Variants in RAD52 observed in about 807,000 individuals in gnomAD.
The protein encoded by RAD52 is RAD52 DNA repair protein.
A neutral mutation model predicts 55.5 loss-of-function variants in RAD52; 47 were observed. The ratio of observed to expected loss-of-function variants is 0.85; its 90% CI spans 0.67 to 1.08. The LOEUF (loss-of-function observed/expected upper bound fraction) is 1.08. Among genes scored for constraint, RAD52 ranks in the 50% least tolerant of loss-of-function variants. The pLI, the probability that RAD52 is intolerant of heterozygous loss-of-function variation, is 0.00. For synonymous variants in RAD52, 184 were observed against 198.9 expected (o/e 0.92, Z 0.63); for missense variants, 468 against 522.8 (o/e 0.90, Z 1.02).
chr12:955,787 G>GT (rs984130985), intron 1 of RAD52, among the ~76,000 whole-genome samples: 78 of 145,994 alleles, frequency 5.3e-4, no homozygotes, highest in South Asian at 3.3e-3. Context: ...TGTTTTTTTT[G>GT]TTTTTTTTTG....
intron 1 of RAD52, among the ~76,000 whole-genome samples, chr12:936,020 G>C (rs2154116029): frequency 6.6e-6 from 1 of 150,844 alleles, no homozygotes; most frequent in South Asian, 2.2e-4. Context: ...AGAGCAACTT[G>C]TGGCCGGGCA....
At chr12:943,817 C>CTG (rs1555177518) in intron 1 of RAD52, among the ~76,000 whole-genome samples, 155 of 151,356 alleles carry the variant, frequency 1.0e-3, no homozygotes, top group African/African-American at 3.7e-3. Context: ...TTAAGTGACT[C>CTG]TGGCATCCTG....
intron 1 of RAD52, among the ~76,000 whole-genome samples, chr12:942,325 A>G (rs1957962199): frequency 6.6e-6 from 1 of 152,238 alleles, no homozygotes; most frequent in Non-Finnish European, 1.5e-5. Flanking sequence ...ACGCAATACA[A>G]TAGCATTTTC....
At chr12:915,032 C>T (rs1324115475) in intron 9 of RAD52, among the ~76,000 whole-genome samples, 1 of 152,210 alleles carries the variant, frequency 6.6e-6, no homozygotes, top group African/African-American at 2.4e-5. Context: ...ACTCAGGAGG[C>T]TGAGGAAGGA....
chr12:928,669 T>C (rs1052386942), intron 5 of RAD52, among the ~76,000 whole-genome samples: 3 of 152,136 alleles, frequency 2.0e-5, no homozygotes, highest in Non-Finnish European at 4.4e-5. Flanking sequence ...CAAGATTTCA[T>C]ATCTTTAATT....
intron 1 of RAD52, among the ~76,000 whole-genome samples, chr12:962,373 C>G (rs1338086125): frequency 6.7e-6 from 1 of 149,656 alleles, no homozygotes; most frequent in Non-Finnish European, 1.5e-5. Context: ...CGGAGTCTTG[C>G]TCTGTCGCCC....
chr12:937,185 C>T (rs1049560900), intron 1 of RAD52, among the ~76,000 whole-genome samples: 1 of 152,176 alleles, frequency 6.6e-6, no homozygotes, highest in Non-Finnish European at 1.5e-5. Flanking sequence ...TGGGAGACAG[C>T]TTTAGGAGAA....
intron 7 of RAD52, among the ~76,000 whole-genome samples, chr12:917,104 C>T (rs1956434741): frequency 6.6e-6 from 1 of 152,194 alleles, no homozygotes; most frequent in East Asian, 1.9e-4. Context: ...TCTTTGCTGC[C>T]TCCTTGTCCT....
At chr12:968,861 T>C (rs1024573860) in intron 1 of RAD52, among the ~76,000 whole-genome samples, 2 of 152,080 alleles carry the variant, frequency 1.3e-5, no homozygotes, top group African/African-American at 4.8e-5. Context: ...TCACACATAG[T>C]AGAAATTCAA....
Position 912,524 on chromosome 12 carries a change from T to C in RAD52, c.*867A>G, listed in dbSNP as rs1194934621. ...AAGCATTTCAGATAAGCAATATATA[T>C]ATATTCTATTTTGTTAATAAGGTAT... On this transcript the variant is annotated 3_prime_UTR_variant, in exon 12 of 12. Transcript: ENST00000358495. The C allele has an allele frequency of 1.3e-5, 2 of 148,812 alleles. No individual in the cohort carries two copies. The highest frequency in any genetic ancestry group is 2.8e-5 in the Non-Finnish European group (2 of 71,574). The allele number at this position is 148,812 out of a possible 1,614,324, so 9.2% of individuals were successfully genotyped here.
At chr12:957,972 T>C (rs1565702503) in intron 1 of RAD52, among the ~76,000 whole-genome samples, 1 of 152,246 alleles carries the variant, frequency 6.6e-6, no homozygotes, top group Non-Finnish European at 1.5e-5. Context: ...GTCTCGCCCC[T>C]GCACCTGTGG....
intron 1 of RAD52, chr12:975,637 A>T (rs1411125829): frequency 1.3e-5 from 2 of 152,202 alleles, no homozygotes; most frequent in Non-Finnish European, 2.9e-5. Flanking sequence ...TGTTGACCTC[A>T]TTTCTCCCAT....
intron 3 of RAD52, 71 bp from the exon 4 acceptor site, chr12:930,215 G>A: frequency 8.2e-7 from 1 of 1,220,716 alleles, no homozygotes; most frequent in Non-Finnish European, 1.2e-6. Context: ...AATCAAAATT[G>A]ACATAATTTA....
chr12:938,272 C>T (rs1366869007), intron 1 of RAD52, among the ~76,000 whole-genome samples: 1 of 152,200 alleles, frequency 6.6e-6, no homozygotes, highest in Non-Finnish European at 1.5e-5. Context: ...CCAACCTAAT[C>T]ATCAGGAAAC....
At chr12:927,309 C>A in intron 5 of RAD52, 46 bp from the exon 6 acceptor site, 5 of 1,341,000 alleles carry the variant, frequency 3.7e-6, no homozygotes, top group Non-Finnish European at 5.4e-6. Flanking sequence ...GAGCGGCAGG[C>A]GTGCCACAAC....
At chr12:978,907 T>TAGATAGAC (rs1958972415) in intron 1 of RAD52, among the ~76,000 whole-genome samples, 1 of 151,056 alleles carries the variant, frequency 6.6e-6, no homozygotes, top group South Asian at 2.1e-4. Flanking sequence ...GATAGATAGA[T>TAGATAGAC]AGATAGATAG....
intron 1 of RAD52, among the ~76,000 whole-genome samples, chr12:937,915 T>A (rs550168838): frequency 5.3e-5 from 8 of 152,256 alleles, no homozygotes; most frequent in Non-Finnish European, 1.0e-4. Context: ...GAGCTGGTGT[T>A]GAAATACGCT....
At chr12:925,261 C>G (rs1036588461) in intron 7 of RAD52, among the ~76,000 whole-genome samples, 189 bp downstream of exon 7, 5 of 152,034 alleles carry the variant, frequency 3.3e-5, no homozygotes, top group Admixed American at 3.3e-4. Context: ...ACATGATGTA[C>G]TTTAGAAAAA....
At chr12:942,745 C>CT (rs1957987544) in intron 1 of RAD52, among the ~76,000 whole-genome samples, 1 of 147,266 alleles carries the variant, frequency 6.8e-6, no homozygotes, top group African/African-American at 2.5e-5. Flanking sequence ...AAGACTCTGT[C>CT]TCAAAAAAAA....
Sources: gnomAD v4.1 joint callset for allele counts (sites outside exome capture counted in the v4.1 genomes callset) on GRCh38, gnomAD v4.1.1 for gene constraint, MANE v1.5 for transcripts, NCBI Gene and HGNC (gene_info 2026-07-23, HGNC 2026-07-21) for gene names.